VAV3: variants seen among roughly 807,000 people sequenced by gnomAD.
VAV3 encodes vav guanine nucleotide exchange factor 3.
Under a neutral mutation model 131.2 loss-of-function variants are expected in VAV3, and 94 were observed. That is an observed-to-expected ratio of 0.72 (90% CI 0.61 to 0.85). The LOEUF (loss-of-function observed/expected upper bound fraction) is 0.85. Among genes scored for constraint, VAV3 ranks in the 40% least tolerant of loss-of-function variants. The pLI, the probability that VAV3 is intolerant of heterozygous loss-of-function variation, is 0.00. For synonymous variants in VAV3, 349 were observed against 342.0 expected, an observed-to-expected ratio of 1.02 and a Z score of -0.22; for missense variants, 939 against 1,002.7, an observed-to-expected ratio of 0.94 and a Z score of 0.86.
intron 1 of VAV3, among the ~76,000 whole-genome samples, chr1:107,889,745 A>C (rs140565449): frequency 7.0e-4 from 107 of 152,348 alleles, no homozygotes; most frequent in African/African-American, 2.4e-3. Flanking sequence ...GATGTAGCAC[A>C]GTCTATTCAG....
At chr1:107,802,093 T>A (rs1666855363) in intron 2 of VAV3, among the ~76,000 whole-genome samples, 1 of 152,272 alleles carries the variant, frequency 6.6e-6, no homozygotes, top group South Asian at 2.1e-4. Flanking sequence ...AATTTCTAGT[T>A]ATTTTATGTT....
chr1:107,586,822 T>C (rs912814712), intron 25 of VAV3, among the ~76,000 whole-genome samples: 2 of 152,166 alleles, frequency 1.3e-5, no homozygotes, highest in Admixed American at 6.5e-5. Flanking sequence ...TTTGGGGTTA[T>C]CTTGGTAGGA....
intron 2 of VAV3, among the ~76,000 whole-genome samples, chr1:107,783,084 C>T (rs12749952): frequency 0.094 from 14,309 of 152,120 alleles, 881 homozygotes; most frequent in Non-Finnish European, 0.14. Context: ...AGAAGAGTGG[C>T]ATCTGTAAAG....
Position 107,648,052 on chromosome 1 carries a change from G to T in VAV3, c.1778-5297C>A, listed in dbSNP as rs1359236283. On this transcript the variant is annotated intron_variant, in intron 19 of 26. Transcript: ENST00000370056. ...GGTGGAAAAATTCCATGCTACAACA[G>T]AAGCAGGCAATTTGGTGGAAAACAA... 3.9e-5 allele frequency among the ~76,000 whole-genome samples: 6 copies of T among 152,102 alleles called. No homozygotes were observed. The Middle Eastern group carries it at 0.014, about 345-fold the overall frequency.
At chr1:107,660,011 T>C (rs1656889486) in intron 19 of VAV3, among the ~76,000 whole-genome samples, 1 of 152,212 alleles carries the variant, frequency 6.6e-6, no homozygotes, top group Admixed American at 6.5e-5. Flanking sequence ...AGAAATGCCA[T>C]GATGTATCAG....
At chr1:107,677,407 T>C (rs76740967) in intron 19 of VAV3, among the ~76,000 whole-genome samples, 20,712 of 152,168 alleles carry the variant, frequency 0.14, 1,521 homozygotes, top group Non-Finnish European at 0.16. Flanking sequence ...CAGAGGTTGC[T>C]GGCCCATAAG....
At chr1:107,950,579 G>T (rs1463257832) in intron 1 of VAV3, among the ~76,000 whole-genome samples, 1 of 152,196 alleles carries the variant, frequency 6.6e-6, no homozygotes. Context: ...AGTGAACACA[G>T]ACAGTAAAAG....
intron 20 of VAV3, among the ~76,000 whole-genome samples, chr1:107,628,168 T>C (rs1199871158): frequency 2.0e-5 from 3 of 152,202 alleles, no homozygotes; most frequent in Non-Finnish European, 4.4e-5. Flanking sequence ...GAGGGTAACA[T>C]ATACATCAAT....
intron 19 of VAV3, among the ~76,000 whole-genome samples, chr1:107,646,549 C>T (rs1655752162): frequency 6.6e-6 from 1 of 152,060 alleles, no homozygotes; most frequent in South Asian, 2.1e-4. Context: ...GATTAAAATA[C>T]TAAGCCAAAA....
chr1:107,769,252 T>C (rs536181220), intron 6 of VAV3, among the ~76,000 whole-genome samples: 5 of 152,288 alleles, frequency 3.3e-5, no homozygotes, highest in South Asian at 4.1e-4. Flanking sequence ...TCTTCTTCCA[T>C]TGTGCTTTTC....
At chr1:107,630,696 A>G (rs751986452) in intron 20 of VAV3, among the ~76,000 whole-genome samples, 5 of 152,180 alleles carry the variant, frequency 3.3e-5, no homozygotes, top group Admixed American at 6.5e-5. Flanking sequence ...GGGGAGTCAC[A>G]TATTTTAGGA....
intron 19 of VAV3, among the ~76,000 whole-genome samples, chr1:107,675,464 T>C (rs1485097624): frequency 2.0e-5 from 3 of 152,180 alleles, no homozygotes; most frequent in Non-Finnish European, 4.4e-5. Flanking sequence ...ACCCTCAGTC[T>C]ATACCACCAC....
At chr1:107,883,273 C>T (rs1670868993) in intron 1 of VAV3, among the ~76,000 whole-genome samples, 1 of 152,184 alleles carries the variant, frequency 6.6e-6, no homozygotes, top group Admixed American at 6.5e-5. Context: ...CGGCTCACAT[C>T]TGTTATGGTA....
intron 1 of VAV3, among the ~76,000 whole-genome samples, chr1:107,907,306 C>T (rs939604910): frequency 1.3e-5 from 2 of 152,058 alleles, no homozygotes; most frequent in Non-Finnish European, 2.9e-5. Context: ...GCACTGGGTG[C>T]TTATTTAATA....
chr1:107,918,705 ATTT>A (rs66707621), intron 1 of VAV3, among the ~76,000 whole-genome samples: 7,273 of 76,828 alleles, frequency 0.095, 251 homozygotes, highest in Middle Eastern at 0.22. Flanking sequence ...ATATATATAT[ATTT>A]TTTTTTTTTT....
At chr1:107,800,806 G>A (rs1322754428) in intron 2 of VAV3, among the ~76,000 whole-genome samples, 1 of 152,038 alleles carries the variant, frequency 6.6e-6, no homozygotes, top group African/African-American at 2.4e-5. Flanking sequence ...TCTTTGCTGT[G>A]TAGAAACATT....
Position 107,749,490 on chromosome 1 carries a change from T to C in VAV3, c.1364A>G (p.Asn455Ser). 1.9e-6 allele frequency: 3 copies of C among 1,606,958 alleles called. No homozygotes were observed. Among genetic ancestry groups the C allele is most frequent in the Non-Finnish European group, 2.5e-6 (3 of 1,178,286 alleles). Residue 455 changes from asparagine to serine, a missense_variant, in exon 14 of 27, where the codon AAT becomes AGT. Transcript: ENST00000370056. ...TTTGTTTTCTTTATCGGTTGTAGGA[T>C]TATTGGCTATCTTGTACTGCTGAAG... is the stretch of plus-strand genomic sequence containing the variant. ...IDLQQYKIAN[N>S]PTTDKENKKW...
intron 1 of VAV3, among the ~76,000 whole-genome samples, chr1:107,951,374 C>T (rs997545225): frequency 4.6e-5 from 7 of 152,194 alleles, no homozygotes; most frequent in East Asian, 1.9e-4. Context: ...ATTTTCTCTT[C>T]GCCCCCTAAA....
At chr1:107,890,285 T>C (rs1485319096) in intron 1 of VAV3, among the ~76,000 whole-genome samples, 1 of 152,206 alleles carries the variant, frequency 6.6e-6, no homozygotes, top group Admixed American at 6.5e-5. Context: ...TATGTAATTT[T>C]CTTAATAAAT....
Sources: allele counts gnomAD v4.1 joint callset (sites outside exome capture counted in the v4.1 genomes callset), GRCh38; gene constraint gnomAD v4.1.1; transcripts MANE v1.5; gene names NCBI Gene and HGNC (gene_info 2026-07-23, HGNC 2026-07-21).